The following ALDH3A2 variants were observed in gnomAD, a reference collection of about 807,000 sequenced individuals.
ALDH3A2 encodes the protein aldehyde dehydrogenase family 3 member A2.
A neutral mutation model predicts 51.3 loss-of-function variants in ALDH3A2; 36 were observed. The ratio of observed to expected loss-of-function variants is 0.70; its 90% confidence interval spans 0.54 to 0.93. The LOEUF (loss-of-function observed/expected upper bound fraction) is 0.93, where lower values mean the gene tolerates loss of function less well. ALDH3A2 is among the 40% of genes least tolerant of loss of function. The probability of loss-of-function intolerance (pLI) is 0.00; values close to 1 mark genes in which losing one functional copy is unlikely to be tolerated. For missense variants in ALDH3A2, 552 were observed against 603.1 expected (o/e 0.92, Z 0.89); for synonymous variants, 199 against 219.8 (o/e 0.91, Z 0.84).
Position 19,648,793 on chromosome 17 carries a change from G to T in ALDH3A2, c.-179G>T, listed in dbSNP as rs1197837013. 1.1e-5 allele frequency: 9 copies of T among 808,038 alleles called. No individual in the cohort carries two copies. The East Asian group carries it at 2.4e-4, about 22-fold the overall frequency. 50.1% of individuals were successfully genotyped at this position (808,038 alleles called of 1,614,324 possible). ...TCCGACTGGCAGTGGGACTCAGCGG[G>T]CGTGGAGGTCGCGGCTGAGCGAGCG... On this transcript the variant is annotated 5_prime_UTR_variant, in exon 1 of 10. Coordinates refer to ENST00000176643, the MANE Select transcript of ALDH3A2 (RefSeq NM_000382.3).
rs549147340 is a variant in ALDH3A2 at position 19,677,472 on chromosome 17, A to G, written c.*1900A>G. ...TACACATCTGCTTCAAAATGAACATATTTCATAAAATTGGCATCAATTTTA... is the reference window on the plus strand; with the variant it reads ...TACACATCTGCTTCAAAATGAACATGTTTCATAAAATTGGCATCAATTTTA... On this transcript the variant is annotated 3_prime_UTR_variant, in exon 10 of 10. Transcript: ENST00000176643. 2.0e-4 allele frequency: 31 copies of G among 152,284 alleles called. No individual in the cohort carries two copies. The highest frequency in any genetic ancestry group is 5.2e-4 in the Admixed American group (8 of 15,302). 9.4% of individuals were successfully genotyped at this position (152,284 alleles called of 1,614,324 possible).
chr17:19,659,843 C>CA lies in ALDH3A2; in HGVS notation c.799-1268dup, dbSNP rs35053333. On this transcript the variant is annotated intron_variant, in intron 5 of 9. Transcript: ENST00000176643. Reference sequence around the variant, plus strand: ...TGGGTGACAGAGTGAGACCCTGTCTCAAAAAAAAAAAAAAAAGAGAAAATT... The same window carrying CA: ...TGGGTGACAGAGTGAGACCCTGTCTCAAAAAAAAAAAAAAAAAGAGAAAATT... 569 of 83,572 alleles carry CA rather than the reference C, an allele frequency of 6.8e-3. 3 individuals carry two copies. The highest frequency in any genetic ancestry group is 0.018 in the East Asian group (53 of 2,914). The allele number at this position is 83,572 out of a possible 1,614,324, so 5.2% of individuals were successfully genotyped here.
At chr17:19,658,760 A>T (rs918596604) in intron 5 of ALDH3A2, among the ~76,000 whole-genome samples, 9 of 151,326 alleles carry the variant, frequency 5.9e-5, no homozygotes, top group East Asian at 5.9e-4. Context: ...AAAAAAAAAA[A>T]AAAAAGAAGA....
rs771494924 is a variant in ALDH3A2 at position 19,656,391 on chromosome 17, G to C, written c.497G>C (p.Gly166Ala). ...GATCTCTATATTGTTATTAATGGTG[G>C]TGTTGAGGAAACCACGGAGCTCCTG... Reference protein sequence around the residue: ...DQDLYIVINGGVEETTELLKQ... With the variant: ...DQDLYIVINGAVEETTELLKQ... Residue 166 changes from glycine to alanine, a missense_variant, in exon 4 of 10, where the codon GGT (glycine) becomes GCT (alanine). By Grantham distance (60) the Gly-to-Ala change is moderately conservative. Coordinates refer to ENST00000176643, the MANE Select transcript of ALDH3A2 (RefSeq NM_000382.3). The C allele has an allele frequency of 1.2e-6, 2 of 1,614,122 alleles. No individual in the cohort carries two copies. Among genetic ancestry groups the C allele is most frequent in the Non-Finnish European group, 1.7e-6 (2 of 1,180,002 alleles).
chr17:19,649,239 G>A, intron 1 of ALDH3A2, 115 bp downstream of exon 1: 1 of 1,377,334 alleles, frequency 7.3e-7, no homozygotes, highest in Admixed American at 2.3e-5. Context: ...CCAGCACTGG[G>A]AGTATGATCT....
At chr17:19,667,442 A>G (rs987714448) in intron 8 of ALDH3A2, among the ~76,000 whole-genome samples, 3 of 152,234 alleles carry the variant, frequency 2.0e-5, no homozygotes, top group Non-Finnish European at 4.4e-5. Flanking sequence ...GGCTTATACA[A>G]TTTTCCAAAT....
At chr17:19,661,897 TTAAAAA>T (rs2084971541) in intron 6 of ALDH3A2, 1 of 151,446 alleles carries the variant, frequency 6.6e-6, no homozygotes, top group Non-Finnish European at 1.5e-5. Flanking sequence ...AAAAAAAAAC[TTAAAAA>T]TGAAATAATA....
intron 9 of ALDH3A2, chr17:19,673,199 G>A: frequency 6.2e-7 from 1 of 1,614,190 alleles, no homozygotes; most frequent in East Asian, 2.2e-5. Context: ...TTTTCTGGTA[G>A]TTCACAGACT....
intron 5 of ALDH3A2, among the ~76,000 whole-genome samples, chr17:19,659,342 A>G (rs373574696): frequency 1.3e-5 from 2 of 152,174 alleles, no homozygotes; most frequent in African/African-American, 4.8e-5. Flanking sequence ...GTTCAAAACC[A>G]GCCTGGTCAA....
chr17:19,656,167 G>A (rs931055262), intron 3 of ALDH3A2, 199 bp from the exon 4 acceptor site: 5 of 623,066 alleles, frequency 8.0e-6, no homozygotes, highest in Middle Eastern at 4.3e-4. Flanking sequence ...TTCTATGTGG[G>A]TTCATGCTTC....
intron 9 of ALDH3A2, chr17:19,673,113 G>C (rs751950980): frequency 1.2e-6 from 2 of 1,613,774 alleles, no homozygotes; most frequent in African/African-American, 2.7e-5. Flanking sequence ...TGGAATTGGA[G>C]ATACCAGTTG....
chr17:19,654,774 T>C lies in ALDH3A2; in HGVS notation c.472-1592T>C, dbSNP rs538381220. On this transcript the variant is annotated intron_variant, in intron 3 of 9. Coordinates refer to ENST00000176643, the MANE Select transcript of ALDH3A2 (RefSeq NM_000382.3). This position sits in a 1 kb window ranked among gnomAD's most constrained non-coding sequence, Gnocchi z 4.5. ...CAGAGAGGGGCTCCCACAGTGCAGC[T>C]GTGGGCTGAAGGGCTCCTCAAGCGT... Among the ~76,000 whole-genome samples the C allele has an allele frequency of 6.6e-6, 1 of 152,248 alleles. No individual in the cohort carries two copies. The highest frequency in any genetic ancestry group is 2.1e-4 in the South Asian group (1 of 4,830).
intron 5 of ALDH3A2, among the ~76,000 whole-genome samples, chr17:19,660,865 C>G (rs1259784998): frequency 6.6e-6 from 1 of 152,154 alleles, no homozygotes; most frequent in Non-Finnish European, 1.5e-5. Flanking sequence ...TGGGTGGACT[C>G]TAAGAGATCC....
intron 9 of ALDH3A2, among the ~76,000 whole-genome samples, chr17:19,672,636 C>T (rs1339702842): frequency 6.6e-6 from 1 of 152,162 alleles, no homozygotes; most frequent in Non-Finnish European, 1.5e-5. Context: ...GCAATTGTGT[C>T]TGTGGTGCCC....
intron 9 of ALDH3A2, chr17:19,673,345 GGTTT>G (rs1460379367): frequency 5.4e-6 from 8 of 1,478,574 alleles, no homozygotes; most frequent in African/African-American, 1.7e-5. Flanking sequence ...AGGGTTTTTT[GGTTT>G]GTTTTTGTTT....
At chr17:19,658,725 G>GTAA (rs2084929187) in intron 5 of ALDH3A2, among the ~76,000 whole-genome samples, 1 of 149,620 alleles carries the variant, frequency 6.7e-6, no homozygotes, top group Non-Finnish European at 1.5e-5. Flanking sequence ...TCCAGCCTGG[G>GTAA]CGACAGAGCA....
intron 8 of ALDH3A2, among the ~76,000 whole-genome samples, chr17:19,668,599 A>G (rs369619837): frequency 0.27 from 38,719 of 142,832 alleles, 5,917 homozygotes; most frequent in East Asian, 0.49. Flanking sequence ...AAGTAGGCTT[A>G]GAAAAGCTTT....
intron 9 of ALDH3A2, among the ~76,000 whole-genome samples, chr17:19,673,685 T>C (rs1275997400): frequency 6.6e-6 from 1 of 151,948 alleles, no homozygotes; most frequent in East Asian, 1.9e-4. Flanking sequence ...GCCACTGCAC[T>C]CCACCCTGGG....
Position 19,663,369 on chromosome 17 carries a change from A to C in ALDH3A2, c.977A>C (p.Lys326Thr). Residue 326 changes from lysine to threonine, a missense_variant, in exon 7 of 10, where the codon AAG becomes ACG. Lys to Thr is a moderately conservative substitution (Grantham distance 78). Transcript: ENST00000176643. ...TVLTDVDPKT[K>T]VMQEEIFGPI... The stretch of plus-strand genomic sequence containing the variant: ...CTTACCGATGTTGATCCTAAAACCA[A>C]GGTGATGCAAGAAGAAATTTTTGGA... The C allele has an allele frequency of 6.2e-7, 1 of 1,614,172 alleles. No individual in the cohort carries two copies. The highest frequency in any genetic ancestry group is 8.5e-7 in the Non-Finnish European group (1 of 1,180,024).
Sources: gnomAD v4.1 joint callset for allele counts (sites outside exome capture counted in the v4.1 genomes callset) on GRCh38, gnomAD v4.1.1 for gene constraint, Gnocchi (gnomAD v3.1) non-coding constraint, MANE v1.5 for transcripts, NCBI Gene and HGNC (gene_info 2026-07-23, HGNC 2026-07-21) for gene names.